Variants in SOX13 observed in about 807,000 individuals in gnomAD.
SOX13 encodes the protein transcription factor SOX-13.
In SOX13, 28 loss-of-function variants were observed where a neutral mutation model predicts 71.8. The ratio of observed to expected loss-of-function variants is 0.39; its 90% CI spans 0.29 to 0.53. The LOEUF (loss-of-function observed/expected upper bound fraction) is 0.53. Among genes scored for constraint, SOX13 ranks in the 20% least tolerant of loss-of-function variants. SOX13 has a pLI of 0.70. For missense variants in SOX13, 627 were observed against 810.3 expected (o/e 0.77, Z 2.75); for synonymous variants, 309 against 317.8 (o/e 0.97, Z 0.29).
Position 204,117,606 on chromosome 1 carries a change from C to T in SOX13, c.674C>T (p.Pro225Leu), listed in dbSNP as rs1246999125. 2 of 1,611,700 alleles carry T rather than the reference C, an allele frequency of 1.2e-6. No individual in the cohort carries two copies. The highest frequency in any genetic ancestry group is 2.2e-5 in the East Asian group (1 of 44,866). ...LQQQIQQVNM[P>L]YVMIPAFPPS... is the part of the protein sequence containing the mutation. ...CTTTGCCTTCAGCAGGTTAACATGCCTTATGTCATGATCCCAGCCTTCCCC... is the reference window on the plus strand; with the variant it reads ...CTTTGCCTTCAGCAGGTTAACATGCTTTATGTCATGATCCCAGCCTTCCCC... The change falls in exon 7 of 14, where the codon CCT (proline) becomes CTT (leucine). Residue 225 changes from proline (P) to leucine (L), a missense_variant. Physicochemically the swap from Pro to Leu is moderately conservative, Grantham distance 98 (BLOSUM62 -3). Around this residue, in one of 3 missense-constraint regions of SOX13, gnomAD observed 447 missense variants for 532.2 expected, o/e 0.84. Coordinates refer to ENST00000367204, the MANE Select transcript of SOX13 (RefSeq NM_005686.3).
chr1:204,074,472 C>T (rs948922155), intron 1 of SOX13: 2 of 152,078 alleles, frequency 1.3e-5, no homozygotes, highest in African/African-American at 4.8e-5. Context: ...TCGTTCAGTT[C>T]CCAGCGGCTC....
intron 1 of SOX13, among the ~76,000 whole-genome samples, chr1:204,111,093 A>G (rs1571585800): frequency 6.6e-6 from 1 of 152,328 alleles, no homozygotes; most frequent in East Asian, 1.9e-4. Flanking sequence ...CTTATACTGC[A>G]TTCCAACTAG....
At chr1:204,117,014 C>A in intron 5 of SOX13, 108 bp from the exon 6 acceptor site, 2 of 1,130,634 alleles carry the variant, frequency 1.8e-6, no homozygotes, top group Non-Finnish European at 2.6e-6. Context: ...TGCCACCCCA[C>A]TCCATGGCTT....
Position 204,121,932 on chromosome 1 carries a change from C to G in SOX13, c.808C>G (p.Pro270Ala). Residue 270 changes from proline (P) to alanine (A), a missense_variant, in exon 8 of 14, where the codon CCT becomes GCT. By Grantham distance (27) the Pro-to-Ala change is conservative. This residue lies in a region of SOX13 where 447 missense variants were observed against 532.2 expected (regional missense o/e 0.84). Transcript: ENST00000367204. Reference protein sequence around the residue: ...EYPLQLLHSPPAPVVKRPGAM... With the variant: ...EYPLQLLHSPAAPVVKRPGAM... ...TCCGCTGCAGCTGCTGCACAGCCCC[C>G]CTGCCCCAGTGGTGAAGAGGCCTGG... The G allele has an allele frequency of 1.9e-6, 3 of 1,612,988 alleles. No individual in the cohort carries two copies. The highest frequency in any genetic ancestry group is 2.5e-6 in the Non-Finnish European group (3 of 1,179,114).
intron 13 of SOX13, among the ~76,000 whole-genome samples, chr1:204,125,303 G>A (rs927723999): frequency 6.6e-6 from 1 of 152,150 alleles, no homozygotes; most frequent in East Asian, 1.9e-4. Flanking sequence ...AGTGACACAC[G>A]CCTGTAATGC....
chr1:204,081,062 C>T lies in SOX13; in HGVS notation c.-2+7351C>T, dbSNP rs1176787320. On this transcript the variant is annotated intron_variant, in intron 1 of 13. Transcript: ENST00000367204. The surrounding 1 kb of genome is among the most constrained non-coding windows in gnomAD (Gnocchi z 4.3). Reference sequence around the variant, plus strand: ...GAGTAGCTGGGATTACAGGCATGCGCGACCATGCCTGGCTAATTTTTTGTA... The same window carrying T: ...GAGTAGCTGGGATTACAGGCATGCGTGACCATGCCTGGCTAATTTTTTGTA... Among the ~76,000 whole-genome samples the T allele has an allele frequency of 3.3e-5, 5 of 152,036 alleles. No individual in the cohort carries two copies. The highest frequency in any genetic ancestry group is 6.5e-5 in the Admixed American group (1 of 15,274).
At chr1:204,110,043 G>T (rs1010855621) in intron 1 of SOX13, among the ~76,000 whole-genome samples, 2 of 151,850 alleles carry the variant, frequency 1.3e-5, no homozygotes, top group Admixed American at 1.3e-4. Flanking sequence ...TGTTGGTCAG[G>T]CTGGTCTCGA....
chr1:204,123,317 C>A lies in SOX13; in HGVS notation c.1231+109C>A. The stretch of plus-strand genomic sequence containing the variant: ...TCTTCCCTCCCTTGGTCTGTTGGGT[C>A]CTTTCCAGGTGTGTGTGCCTCTGCT... On this transcript the variant is annotated intron_variant, in intron 11 of 13. Transcript: ENST00000367204. The surrounding 1 kb of genome is among the most constrained non-coding windows in gnomAD (Gnocchi z 5.0). The A allele has an allele frequency of 1.1e-6, 1 of 886,892 alleles. No homozygotes were observed. The highest frequency in any genetic ancestry group is 1.9e-6 in the Non-Finnish European group (1 of 532,730). 54.9% of individuals were successfully genotyped at this position (886,892 alleles called of 1,614,324 possible).
At chr1:204,097,227 T>A (rs565641107) in intron 1 of SOX13, among the ~76,000 whole-genome samples, 2 of 151,760 alleles carry the variant, frequency 1.3e-5, no homozygotes, top group Non-Finnish European at 2.9e-5. Context: ...ATTGGAAGAG[T>A]TGAATCATTT....
chr1:204,090,026 G>A (rs973197136), intron 1 of SOX13, among the ~76,000 whole-genome samples: 1 of 152,238 alleles, frequency 6.6e-6, no homozygotes, highest in East Asian at 1.9e-4. Flanking sequence ...AGCCCCCGGG[G>A]CCTCTGCCTT....
At chr1:204,101,307 CCCA>C (rs1180209938) in intron 1 of SOX13, among the ~76,000 whole-genome samples, 2 of 152,068 alleles carry the variant, frequency 1.3e-5, no homozygotes, top group African/African-American at 4.8e-5. Context: ...TGTGGAAGTG[CCCA>C]CTTTGGGAGT....
chr1:204,121,761 G>T (rs976795401), intron 7 of SOX13, 139 bp from the exon 8 acceptor site: 4 of 708,370 alleles, frequency 5.6e-6, no homozygotes, highest in South Asian at 4.5e-5. Flanking sequence ...GTGCTTTGGG[G>T]CTGGGGAGGG....
chr1:204,103,264 G>A (rs1159777386), intron 1 of SOX13, among the ~76,000 whole-genome samples: 1 of 152,230 alleles, frequency 6.6e-6, no homozygotes, highest in East Asian at 1.9e-4. Context: ...TATGACTCAA[G>A]TCAGAAACAA....
intron 1 of SOX13, among the ~76,000 whole-genome samples, chr1:204,108,113 T>C (rs1656508839): frequency 6.6e-6 from 1 of 152,096 alleles, no homozygotes; most frequent in Admixed American, 6.5e-5. Context: ...ATAAATATAA[T>C]GGGAACTACA....
chr1:204,107,479 T>G (rs1206463878), intron 1 of SOX13, among the ~76,000 whole-genome samples: 1 of 152,028 alleles, frequency 6.6e-6, no homozygotes, highest in Non-Finnish European at 1.5e-5. Context: ...CTTATCTAGT[T>G]GATCATGGGA....
chr1:204,098,497 G>A (rs948994255), intron 1 of SOX13, among the ~76,000 whole-genome samples: 1 of 151,912 alleles, frequency 6.6e-6, no homozygotes, highest in African/African-American at 2.4e-5. Flanking sequence ...TTTTGTTGTT[G>A]TTGTTGTTGT....
At chr1:204,106,259 G>A (rs1656467954) in intron 1 of SOX13, among the ~76,000 whole-genome samples, 1 of 152,160 alleles carries the variant, frequency 6.6e-6, no homozygotes, top group South Asian at 2.1e-4. Flanking sequence ...TTAGACCCAA[G>A]GAAGAGGCAG....
intron 1 of SOX13, among the ~76,000 whole-genome samples, chr1:204,102,780 G>A (rs1157407927): frequency 1.3e-5 from 2 of 151,974 alleles, no homozygotes; most frequent in Non-Finnish European, 2.9e-5. Flanking sequence ...TCTCTATGGG[G>A]TAGGTGTTAT....
intron 1 of SOX13, among the ~76,000 whole-genome samples, chr1:204,078,338 T>C (rs1655826322): frequency 1.3e-5 from 2 of 152,160 alleles, no homozygotes; most frequent in African/African-American, 2.4e-5. Flanking sequence ...TCGGTCCTTA[T>C]TGGGCAGCTC....
Sources: allele counts gnomAD v4.1 joint callset (sites outside exome capture counted in the v4.1 genomes callset), GRCh38; gene constraint gnomAD v4.1.1; regional missense constraint gnomAD v4.1.1; non-coding constraint Gnocchi (gnomAD v3.1); transcripts MANE v1.5; gene names NCBI Gene and HGNC (gene_info 2026-07-23, HGNC 2026-07-21).